CCNY: variants seen among roughly 807,000 people sequenced by gnomAD.
The protein encoded by CCNY is cyclin Y, also known as cyclin-Y.
Under a neutral mutation model 42.8 loss-of-function variants are expected in CCNY, and 19 were observed. That is an observed-to-expected ratio of 0.44 (90% CI 0.31 to 0.65). The LOEUF is 0.65. Ranked by LOEUF, CCNY falls within the 30% of genes least tolerant of loss-of-function variation. CCNY has a pLI of 0.07. For missense variants in CCNY, 370 were observed against 437.3 expected, an observed-to-expected ratio of 0.85 and a Z score of 1.37; for synonymous variants, 165 against 162.7, an observed-to-expected ratio of 1.01 and a Z score of -0.11.
intron 1 of CCNY, among the ~76,000 whole-genome samples, chr10:35,383,322 T>TTG (rs1195011236): frequency 1.3e-5 from 2 of 152,270 alleles, no homozygotes; most frequent in East Asian, 3.9e-4. Context: ...CTTTTTTTTT[T>TTG]TTTAAGATGG....
chr10:35,446,691 A>C (rs999083938), intron 1 of CCNY, among the ~76,000 whole-genome samples: 21 of 152,118 alleles, frequency 1.4e-4, no homozygotes, highest in African/African-American at 4.8e-4. Flanking sequence ...CTGCCTTGTC[A>C]CTGGCTCACT....
intron 2 of CCNY, among the ~76,000 whole-genome samples, chr10:35,493,209 C>A (rs762137207): frequency 1.3e-5 from 2 of 152,192 alleles, no homozygotes; most frequent in Admixed American, 6.5e-5. Context: ...TACCTTTTAT[C>A]ATATCCTCTC....
intron 8 of CCNY, among the ~76,000 whole-genome samples, chr10:35,565,309 A>G (rs1419098212): frequency 6.6e-6 from 1 of 152,102 alleles, no homozygotes; most frequent in African/African-American, 2.4e-5. Flanking sequence ...CCTCACCATC[A>G]TCTGGGAGTT....
chr10:35,261,116 A>C (rs1218121823), intron 3 of CCNY, among the ~76,000 whole-genome samples: 6 of 152,112 alleles, frequency 3.9e-5, no homozygotes, highest in African/African-American at 1.2e-4. Context: ...CCTTAAAAAA[A>C]CAAAAGAAAA....
At chr10:35,525,388 T>C (rs1266983279) in intron 4 of CCNY, among the ~76,000 whole-genome samples, 1 of 152,226 alleles carries the variant, frequency 6.6e-6, no homozygotes, top group South Asian at 2.1e-4. Context: ...GAAGGGAATG[T>C]AATTGTTCAT....
chr10:35,346,692 G>A (rs1257170404), intron 1 of CCNY, among the ~76,000 whole-genome samples: 10 of 152,130 alleles, frequency 6.6e-5, no homozygotes, highest in East Asian at 3.8e-4. Context: ...GTGCAGTGGC[G>A]TTAGCTCACT....
chr10:35,403,854 G>A (rs1054969548), intron 1 of CCNY, among the ~76,000 whole-genome samples: 4 of 152,272 alleles, frequency 2.6e-5, no homozygotes, highest in African/African-American at 9.6e-5. Context: ...CTGGTGAGTG[G>A]TGATTAGGCC....
At chr10:35,290,911 C>A (rs1330544345) in intron 3 of CCNY, among the ~76,000 whole-genome samples, 1 of 152,170 alleles carries the variant, frequency 6.6e-6, no homozygotes, top group Non-Finnish European at 1.5e-5. Flanking sequence ...TCCCATTTAC[C>A]CCTAACCTTT....
chr10:35,465,938 A>AGAGAGAGTGTGTGTGTGTGT, intron 1 of CCNY, among the ~76,000 whole-genome samples: 1 of 80,960 alleles, frequency 1.2e-5, no homozygotes, highest in Admixed American at 1.3e-4. Flanking sequence ...AGAGAGAGAG[A>AGAGAGAGTGTGTGTGTGTGT]GTGTGTGTGT....
At chr10:35,497,633 A>G (rs1462493540) in intron 2 of CCNY, among the ~76,000 whole-genome samples, 2 of 149,674 alleles carry the variant, frequency 1.3e-5, no homozygotes, top group East Asian at 4.1e-4. Context: ...TCAGCTACTT[A>G]GGCAGGAGAG....
intron 1 of CCNY, among the ~76,000 whole-genome samples, chr10:35,368,306 T>G (rs1279663271): frequency 6.6e-6 from 1 of 152,184 alleles, no homozygotes; most frequent in African/African-American, 2.4e-5. Context: ...TGTCGCAGTG[T>G]TTTTCATTTG....
intron 7 of CCNY, among the ~76,000 whole-genome samples, chr10:35,536,293 C>T (rs1840885752): frequency 6.6e-6 from 1 of 152,158 alleles, no homozygotes; most frequent in African/African-American, 2.4e-5. Flanking sequence ...TAAGGCCTCC[C>T]CAGCCATGTG....
intron 8 of CCNY, among the ~76,000 whole-genome samples, chr10:35,553,618 T>A (rs1367359122): frequency 6.6e-6 from 1 of 152,166 alleles, no homozygotes; most frequent in Non-Finnish European, 1.5e-5. Context: ...TATTTTACAT[T>A]TTTGTTTAGT....
intron 8 of CCNY, among the ~76,000 whole-genome samples, chr10:35,554,642 T>C (rs1841327099): frequency 6.6e-6 from 1 of 152,148 alleles, no homozygotes; most frequent in African/African-American, 2.4e-5. Context: ...TCCCCTCCTG[T>C]TAGATGATAC....
intron 5 of CCNY, among the ~76,000 whole-genome samples, chr10:35,526,939 C>T (rs537323749): frequency 8.5e-5 from 13 of 152,320 alleles, no homozygotes; most frequent in Non-Finnish European, 1.9e-4. Context: ...TGGGAACAAG[C>T]AGAGCCACCA....
chr10:35,543,093 A>G lies in CCNY; in HGVS notation c.580-9926A>G, dbSNP rs145270358. The stretch of plus-strand genomic sequence containing the variant: ...ATTTCATTTTTTAAAAAATTTCAGT[A>G]AAGAATGCTGTTCATAATCTTGTAT... On this transcript the variant is annotated intron_variant, in intron 7 of 9. Transcript: ENST00000374704. Among the ~76,000 whole-genome samples, 18 of 152,352 alleles carry G rather than the reference A, an allele frequency of 1.2e-4. 1 individual carries two copies. The East Asian group carries it at 2.7e-3, about 23-fold the overall frequency.
At chr10:35,522,005 TA>T (rs1840557519) in intron 4 of CCNY, among the ~76,000 whole-genome samples, 1 of 152,122 alleles carries the variant, frequency 6.6e-6, no homozygotes, top group Non-Finnish European at 1.5e-5. Context: ...CAAGACCTTC[TA>T]AAGACAGGTC....
intron 8 of CCNY, among the ~76,000 whole-genome samples, chr10:35,555,430 A>G (rs1024398692): frequency 3.9e-5 from 6 of 152,246 alleles, no homozygotes; most frequent in Non-Finnish European, 8.8e-5. Context: ...TTTAAATTCA[A>G]GTCAGTAAAA....
At chr10:35,408,980 AAAAC>A (rs1837844842) in intron 1 of CCNY, among the ~76,000 whole-genome samples, 1 of 152,076 alleles carries the variant, frequency 6.6e-6, no homozygotes, top group African/African-American at 2.4e-5. Context: ...GTTATGAAGA[AAAAC>A]AAAAAGAGTT....
Sources: gnomAD v4.1 joint callset for allele counts (sites outside exome capture counted in the v4.1 genomes callset) on GRCh38, gnomAD v4.1.1 for gene constraint, MANE v1.5 for transcripts, NCBI Gene and HGNC (gene_info 2026-07-23, HGNC 2026-07-21) for gene names.